EBF2: variants seen among roughly 807,000 people sequenced by gnomAD.
EBF2 encodes the protein EBF transcription factor 2, also known as transcription factor COE2.
In EBF2, 21 loss-of-function variants were observed where a neutral mutation model predicts 72.8. The observed-to-expected ratio is 0.29, with a 90% CI of 0.20 to 0.42. The LOEUF is 0.42. Among genes scored for constraint, EBF2 ranks in the 10% least tolerant of loss-of-function variants. The probability of loss-of-function intolerance (pLI) is 1.00; values close to 1 mark genes in which losing one functional copy is unlikely to be tolerated. For missense variants in EBF2, 637 were observed against 731.2 expected, an observed-to-expected ratio of 0.87 and a Z score of 1.49; for synonymous variants, 299 against 274.2, an observed-to-expected ratio of 1.09 and a Z score of -0.89.
chr8:25,957,787 G>A (rs1803973738), intron 6 of EBF2, among the ~76,000 whole-genome samples: 1 of 152,188 alleles, frequency 6.6e-6, no homozygotes, highest in African/African-American at 2.4e-5. Context: ...GATCACTTGA[G>A]CCCAGGAGTT....
intron 6 of EBF2, among the ~76,000 whole-genome samples, chr8:25,969,528 C>T (rs886957868): frequency 1.3e-5 from 2 of 152,220 alleles, no homozygotes; most frequent in Admixed American, 6.5e-5. Context: ...CATGGAGCAC[C>T]TATCCCGGGA....
intron 5 of EBF2, among the ~76,000 whole-genome samples, chr8:26,039,590 A>G (rs944999453): frequency 5.9e-5 from 9 of 152,102 alleles, no homozygotes; most frequent in Non-Finnish European, 1.2e-4. Context: ...GAGCCGCTGG[A>G]CCCTCTGGTG....
At chr8:25,924,605 A>T (rs1174205223) in intron 6 of EBF2, among the ~76,000 whole-genome samples, 1 of 152,236 alleles carries the variant, frequency 6.6e-6, no homozygotes. Flanking sequence ...TGTCTGAAAC[A>T]TCTTTGGAAA....
chr8:25,895,923 A>ATG (rs71868613), intron 7 of EBF2, among the ~76,000 whole-genome samples: 1,871 of 149,698 alleles, frequency 0.012, 14 homozygotes, highest in East Asian at 0.035. Flanking sequence ...CCGTGTGTGT[A>ATG]TGTGTGTGTG....
At position 25,844,463 on chromosome 8, in the gene EBF2, G is replaced by A; in HGVS notation, c.*146C>T. 1.2e-6 allele frequency: 1 copy of A among 839,916 alleles called. No homozygotes were observed. The highest frequency in any genetic ancestry group is 1.6e-5 in the South Asian group (1 of 62,268). The allele number at this position is 839,916 out of a possible 1,614,324, so 52.0% of individuals were successfully genotyped here. ...GAGCTATAGGAGGACGTGGGACCAAGTAAGATGCTGGCTCCTTGCAGACCC... is the reference window on the plus strand; with the variant it reads ...GAGCTATAGGAGGACGTGGGACCAAATAAGATGCTGGCTCCTTGCAGACCC... On this transcript the variant is annotated 3_prime_UTR_variant, in exon 16 of 16. Transcript: ENST00000520164.
chr8:26,001,669 C>T (rs990029828), intron 6 of EBF2, among the ~76,000 whole-genome samples: 2 of 152,120 alleles, frequency 1.3e-5, no homozygotes, highest in African/African-American at 2.4e-5. Flanking sequence ...CTGCCTCAGC[C>T]TCCTGAGTAG....
At chr8:26,037,208 A>G (rs1805517733) in intron 5 of EBF2, among the ~76,000 whole-genome samples, 1 of 152,152 alleles carries the variant, frequency 6.6e-6, no homozygotes, top group Non-Finnish European at 1.5e-5. Context: ...GAGAACTCTT[A>G]TCACAATCCT....
At chr8:25,956,275 G>C (rs567722153) in intron 6 of EBF2, among the ~76,000 whole-genome samples, 115 of 152,168 alleles carry the variant, frequency 7.6e-4, no homozygotes, top group African/African-American at 2.7e-3. Context: ...AAAATTAGCT[G>C]GGTGTGGTGG....
intron 6 of EBF2, among the ~76,000 whole-genome samples, chr8:26,015,494 A>G (rs1805095238): frequency 6.6e-6 from 1 of 152,236 alleles, no homozygotes; most frequent in South Asian, 2.1e-4. Flanking sequence ...CAAGTAGTTG[A>G]TTAACTGAAT....
At chr8:25,866,458 AT>A (rs1765208341) in intron 10 of EBF2, among the ~76,000 whole-genome samples, 3 of 143,202 alleles carry the variant, frequency 2.1e-5, no homozygotes, top group African/African-American at 5.1e-5. Flanking sequence ...ATATATATAT[AT>A]AATATATAGG....
intron 6 of EBF2, among the ~76,000 whole-genome samples, chr8:25,997,849 T>C (rs1331053542): frequency 6.6e-6 from 1 of 152,138 alleles, no homozygotes; most frequent in Non-Finnish European, 1.5e-5. Context: ...AATAGCAGTT[T>C]CCTCTGCATG....
intron 6 of EBF2, among the ~76,000 whole-genome samples, chr8:26,012,740 C>T (rs977659847): frequency 6.6e-6 from 1 of 152,190 alleles, no homozygotes; most frequent in Non-Finnish European, 1.5e-5. Flanking sequence ...CCTAGCAAGG[C>T]ACACAGACGA....
intron 6 of EBF2, among the ~76,000 whole-genome samples, chr8:25,993,516 G>A (rs114312476): frequency 6.0e-4 from 91 of 152,270 alleles, no homozygotes; most frequent in African/African-American, 2.1e-3. Context: ...CTCCTGGTCT[G>A]AGCCATGCCC....
chr8:25,865,839 C>T (rs1802302284), intron 10 of EBF2, among the ~76,000 whole-genome samples: 2 of 151,738 alleles, frequency 1.3e-5, no homozygotes, highest in Admixed American at 6.5e-5. Flanking sequence ...TCCTGGCTAA[C>T]ACGGTGAAAC....
intron 6 of EBF2, among the ~76,000 whole-genome samples, chr8:25,984,202 C>A (rs958493926): frequency 6.6e-6 from 1 of 152,088 alleles, no homozygotes; most frequent in East Asian, 1.9e-4. Context: ...AAGATTGTAA[C>A]AACTCAGGCA....
Position 25,998,202 on chromosome 8 carries a change from T to C in EBF2, c.551+34883A>G, listed in dbSNP as rs976997176. On this transcript the variant is annotated intron_variant, in intron 6 of 15. Transcript: ENST00000520164. ...TACTCTACAAAATAAGGGCAAGACATAATTCTACAAGCAAGCTCACAGTGT... is the reference window on the plus strand; with the variant it reads ...TACTCTACAAAATAAGGGCAAGACACAATTCTACAAGCAAGCTCACAGTGT... Among the ~76,000 whole-genome samples the C allele has an allele frequency of 2.6e-5, 4 of 152,160 alleles. 1 individual carries two copies. Among genetic ancestry groups the C allele is most frequent in the East Asian group, 3.9e-4 (2 of 5,190 alleles).
chr8:25,955,028 G>A lies in EBF2; in HGVS notation c.552-46473C>T, dbSNP rs181765860. Among the ~76,000 whole-genome samples the A allele has an allele frequency of 4.1e-3, 621 of 152,318 alleles. 1 individual carries two copies. Among genetic ancestry groups the A allele is most frequent in the Admixed American group, 7.6e-3 (117 of 15,306 alleles). On this transcript the variant is annotated intron_variant, in intron 6 of 15. Coordinates refer to ENST00000520164, the MANE Select transcript of EBF2 (RefSeq NM_022659.4). ...GCTGTAAACAAGGCGCCCAGGGGCT[G>A]CACGCTCTGGGAGGATCAGAGGGTT...
At chr8:26,022,667 G>C (rs1027552587) in intron 6 of EBF2, among the ~76,000 whole-genome samples, 13 of 152,290 alleles carry the variant, frequency 8.5e-5, no homozygotes, top group African/African-American at 3.1e-4. Flanking sequence ...CTTGTTAAAT[G>C]GGGGCAGCTG....
At chr8:25,865,746 C>T (rs1348122385) in intron 10 of EBF2, among the ~76,000 whole-genome samples, 1 of 150,816 alleles carries the variant, frequency 6.6e-6, no homozygotes, top group Non-Finnish European at 1.5e-5. Context: ...CTTAACCAGG[C>T]CAGGCGCAGT....
Sources: allele counts gnomAD v4.1 joint callset (sites outside exome capture counted in the v4.1 genomes callset), GRCh38; gene constraint gnomAD v4.1.1; transcripts MANE v1.5; gene names NCBI Gene and HGNC (gene_info 2026-07-23, HGNC 2026-07-21).